The following NPFFR2 variants were observed in gnomAD, a reference collection of about 807,000 sequenced individuals.
NPFFR2 encodes the protein neuropeptide FF receptor 2.
In NPFFR2, 15 loss-of-function variants were observed where a neutral mutation model predicts 13.1. That is an observed-to-expected ratio of 1.15 (90% CI 0.77 to 1.76). The LOEUF (loss-of-function observed/expected upper bound fraction) is 1.76. NPFFR2 is among the 40% of genes most tolerant of loss of function. NPFFR2 has a pLI of 0.00. For synonymous variants in NPFFR2, 190 were observed against 175.7 expected (o/e 1.08, Z -0.65); for missense variants, 572 against 503.5 (o/e 1.14, Z -1.30).
At chr4:72,068,877 C>G in intron 1 of NPFFR2, 1 of 561,462 alleles carries the variant, frequency 1.8e-6, no homozygotes, top group South Asian at 2.8e-5. Flanking sequence ...TCCTGCATGG[C>G]TCTAGACACA....
chr4:72,040,516 C>T (rs1427648211), intron 1 of NPFFR2, among the ~76,000 whole-genome samples: 1 of 152,072 alleles, frequency 6.6e-6, no homozygotes, highest in Non-Finnish European at 1.5e-5. Flanking sequence ...CACCAAATTG[C>T]TTTGATTATA....
At chr4:72,049,794 T>C (rs1313051528) in intron 1 of NPFFR2, among the ~76,000 whole-genome samples, 3 of 151,496 alleles carry the variant, frequency 2.0e-5, no homozygotes, top group Non-Finnish European at 4.4e-5. Context: ...TTGTAAGTGC[T>C]AGTGATAAGA....
At position 72,038,905 on chromosome 4, in the gene NPFFR2, C is replaced by CTT. The variant is rs1158358179; in HGVS notation, c.-8+6725_-8+6726dup. Among the ~76,000 whole-genome samples, 103 of 84,730 alleles carry CTT rather than the reference C, an allele frequency of 1.2e-3. 11 individuals carry two copies. The highest frequency in any genetic ancestry group is 4.7e-3 in the African/African-American group (101 of 21,270). The allele number at this position is 84,730 out of a possible 152,430, so 55.6% of individuals were successfully genotyped here. A position where few individuals can be genotyped will look rare whatever the true frequency, so the allele number is the denominator to read the frequency against. ...AATTCTTGATTTTTAAATTTCCTTT[C>CTT]TTTTTTTTTTTTTTTTTTTTTGAGA... On this transcript the variant is annotated intron_variant, in intron 1 of 3. Transcript: ENST00000308744.
intron 1 of NPFFR2, among the ~76,000 whole-genome samples, chr4:72,127,848 G>C (rs1484853991): frequency 6.6e-6 from 1 of 151,968 alleles, no homozygotes; most frequent in African/African-American, 2.4e-5. Context: ...GGGAGGCTAA[G>C]GTGGGTGGAT....
intron 2 of NPFFR2, among the ~76,000 whole-genome samples, chr4:72,131,316 A>G (rs1024340683): frequency 7.2e-5 from 11 of 151,786 alleles, no homozygotes; most frequent in Non-Finnish European, 1.2e-4. Context: ...TGTCCATATC[A>G]GTTACATTAT....
At chr4:72,094,511 G>C (rs1205941475) in intron 1 of NPFFR2, among the ~76,000 whole-genome samples, 1 of 152,130 alleles carries the variant, frequency 6.6e-6, no homozygotes, top group Non-Finnish European at 1.5e-5. Flanking sequence ...CCTTGAGTGG[G>C]GCTTGCTGCA....
intron 1 of NPFFR2, among the ~76,000 whole-genome samples, chr4:72,072,581 T>C (rs1720291387): frequency 6.6e-6 from 1 of 151,902 alleles, no homozygotes; most frequent in African/African-American, 2.4e-5. Flanking sequence ...TGGGACACCA[T>C]CAAACAGATC....
At chr4:72,135,413 T>G (rs1722379027) in intron 2 of NPFFR2, among the ~76,000 whole-genome samples, 1 of 152,102 alleles carries the variant, frequency 6.6e-6, no homozygotes, top group Non-Finnish European at 1.5e-5. Flanking sequence ...CTCTTTTAAT[T>G]TTTTTCATCT....
chr4:72,147,597 C>A lies in NPFFR2; in HGVS notation c.1048C>A (p.Leu350Ile), dbSNP rs1431100654. 2 of 1,614,204 alleles carry A rather than the reference C, an allele frequency of 1.2e-6. No individual in the cohort carries two copies. The highest frequency in any genetic ancestry group is 2.2e-5 in the South Asian group (2 of 91,092). Residue 350 changes from leucine (L) to isoleucine (I), a missense_variant, in exon 4 of 4, where the codon CTC becomes ATC. Leu to Ile is a conservative substitution (Grantham distance 5). Transcript: ENST00000308744. ...FRRGFQEAFQ[L>I]QLCQKRAKPM... Reference sequence around the variant, plus strand: ...CCGTGGTTTCCAAGAAGCTTTCCAGCTCCAGCTCTGCCAAAAAAGAGCAAA... The same window carrying A: ...CCGTGGTTTCCAAGAAGCTTTCCAGATCCAGCTCTGCCAAAAAAGAGCAAA...
intron 1 of NPFFR2, among the ~76,000 whole-genome samples, chr4:72,097,889 C>A (rs1190618653): frequency 6.6e-6 from 1 of 152,166 alleles, no homozygotes; most frequent in Admixed American, 6.5e-5. Context: ...TCAGATTAGG[C>A]TCAAATAACT....
At chr4:72,080,153 G>T (rs7682423) in intron 1 of NPFFR2, among the ~76,000 whole-genome samples, 289 of 7,268 alleles carry the variant, frequency 0.04, no homozygotes, top group African/African-American at 0.048. Flanking sequence ...TGTTGTTGTT[G>T]TTGTTTTTTT....
intron 1 of NPFFR2, among the ~76,000 whole-genome samples, chr4:72,095,055 A>C (rs185729416): frequency 6.6e-6 from 1 of 152,328 alleles, no homozygotes; most frequent in East Asian, 1.9e-4. Flanking sequence ...TTATTTTCCT[A>C]CATCTTCCCT....
intron 1 of NPFFR2, among the ~76,000 whole-genome samples, chr4:72,119,843 A>C (rs2109826625): frequency 6.6e-6 from 1 of 152,166 alleles, no homozygotes; most frequent in Middle Eastern, 3.4e-3. Context: ...CAAGCATAAA[A>C]CTGGGGATCA....
chr4:72,106,852 A>G (rs115434806), intron 1 of NPFFR2, among the ~76,000 whole-genome samples: 2,714 of 152,108 alleles, frequency 0.018, 87 homozygotes, highest in African/African-American at 0.062. Flanking sequence ...GATTTATTCC[A>G]TCCAAATTTC....
At chr4:72,124,597 T>C (rs1288624591) in intron 1 of NPFFR2, among the ~76,000 whole-genome samples, 2 of 152,022 alleles carry the variant, frequency 1.3e-5, no homozygotes, top group Non-Finnish European at 2.9e-5. Flanking sequence ...TGGAACAGAA[T>C]AGAGGCCTCA....
At chr4:72,041,400 G>T (rs1289252908) in intron 1 of NPFFR2, among the ~76,000 whole-genome samples, 1 of 152,150 alleles carries the variant, frequency 6.6e-6, no homozygotes. Context: ...AACCACTGTT[G>T]ATGAACGCCT....
At chr4:72,040,927 A>AATATAC (rs1553887467) in intron 1 of NPFFR2, among the ~76,000 whole-genome samples, 1 of 146,768 alleles carries the variant, frequency 6.8e-6, no homozygotes, top group Non-Finnish European at 1.5e-5. Context: ...ACTGCTGTAA[A>AATATAC]ATATATATAT....
At chr4:72,127,583 T>G (rs1185668845) in intron 1 of NPFFR2, among the ~76,000 whole-genome samples, 4 of 146,924 alleles carry the variant, frequency 2.7e-5, no homozygotes, top group East Asian at 2.2e-4. Flanking sequence ...CAGGATGGTC[T>G]CGATCTCCTG....
At chr4:72,034,517 C>T (rs1037076630) in intron 1 of NPFFR2, among the ~76,000 whole-genome samples, 1 of 152,104 alleles carries the variant, frequency 6.6e-6, no homozygotes, top group African/African-American at 2.4e-5. Flanking sequence ...CAAGTCCCTC[C>T]CAAGGACACA....
Sources: allele counts gnomAD v4.1 joint callset (sites outside exome capture counted in the v4.1 genomes callset), GRCh38; gene constraint gnomAD v4.1.1; transcripts MANE v1.5; gene names NCBI Gene and HGNC (gene_info 2026-07-23, HGNC 2026-07-21).